ATRIP: variants seen among roughly 807,000 people sequenced by gnomAD.
ATRIP encodes ATR-interacting protein.
ATRIP carries 44 observed loss-of-function variants against 78.1 expected under a neutral mutation model. That is an observed-to-expected ratio of 0.56 (90% confidence interval 0.44 to 0.72). The LOEUF (loss-of-function observed/expected upper bound fraction) is 0.72, where lower values mean the gene tolerates loss of function less well. ATRIP is among the 30% of genes least tolerant of loss of function. The probability of loss-of-function intolerance (pLI) is 0.00; values close to 1 mark genes in which losing one functional copy is unlikely to be tolerated. For synonymous variants in ATRIP, 388 were observed against 408.9 expected (o/e 0.95, Z 0.62); for missense variants, 927 against 980.2 (o/e 0.95, Z 0.72).
intron 3 of ATRIP, among the ~76,000 whole-genome samples, chr3:48,453,128 C>T (rs915771898): frequency 7.9e-5 from 12 of 152,268 alleles, no homozygotes; most frequent in African/African-American, 2.9e-4. Context: ...ATGCAGTCCT[C>T]CCACCTTGGC....
At chr3:48,458,955 C>T (rs571409456) in intron 5 of ATRIP, among the ~76,000 whole-genome samples, 1 of 152,310 alleles carries the variant, frequency 6.6e-6, no homozygotes, top group South Asian at 2.1e-4. Flanking sequence ...ATGATTTGGG[C>T]AAGTCCTTTA....
Position 48,467,624 on chromosome 3 carries a change from T to C in ATRIP, c.*2070T>C. 1 of 1,604,218 alleles carries C rather than the reference T, an allele frequency of 6.2e-7. No individual in the cohort carries two copies. The highest frequency in any genetic ancestry group is 8.5e-7 in the Non-Finnish European group (1 of 1,174,970). The stretch of plus-strand genomic sequence containing the variant: ...AGGCCAAGAAGGAAAATCTGACGAA[T>C]AAAGACCCCCGCTGCCCCATAGCAC... On this transcript the variant is annotated 3_prime_UTR_variant, in exon 13 of 13. Transcript: ENST00000320211.
chr3:48,461,732 T>G (rs1243339328), intron 8 of ATRIP, among the ~76,000 whole-genome samples: 2 of 152,076 alleles, frequency 1.3e-5, no homozygotes, highest in African/African-American at 4.8e-5. Context: ...GAGACGAAGT[T>G]TTGCTCTTGT....
In ATRIP at chr3:48,467,186, T is replaced by C. The variant is rs11797; in HGVS notation, c.*1632T>C. 0.58 allele frequency: 941,695 copies of C among 1,613,772 alleles called. 278,001 individuals carry two copies. Among genetic ancestry groups the C allele is most frequent in the Admixed American group, 0.75 (44,978 of 59,998 alleles). On this transcript the variant is annotated 3_prime_UTR_variant, in exon 13 of 13. Transcript: ENST00000320211. ...CAGAACACGGCCCAAGGAAGAGCTA[T>C]AGCCTAGGCAGCATCTACACTCGCC...
intron 12 of ATRIP, 117 bp from the exon 13 acceptor site, chr3:48,465,370 G>T: frequency 9.5e-7 from 1 of 1,047,980 alleles, no homozygotes; most frequent in South Asian, 1.4e-5. Flanking sequence ...AGGGAGCAGG[G>T]CCTGGGTGTG....
At chr3:48,461,705 G>A (rs952999649) in intron 8 of ATRIP, among the ~76,000 whole-genome samples, 1 of 151,906 alleles carries the variant, frequency 6.6e-6, no homozygotes, top group Admixed American at 6.6e-5. Context: ...TTATTTGTTT[G>A]TTTTTGTTTT....
chr3:48,466,982 A>G lies in ATRIP; in HGVS notation c.*1428A>G. 1 of 1,613,048 alleles carries G rather than the reference A, an allele frequency of 6.2e-7. No individual in the cohort carries two copies. The highest frequency in any genetic ancestry group is 8.5e-7 in the Non-Finnish European group (1 of 1,180,010). On this transcript the variant is annotated 3_prime_UTR_variant, in exon 13 of 13. Coordinates refer to ENST00000320211, the MANE Select transcript of ATRIP (RefSeq NM_130384.3). ...ATGACAACCTGGCCAACCTGCTCCT[A>G]GCCTTCCTGCGGCGCCAGCCACAGC... is the stretch of plus-strand genomic sequence containing the variant.
chr3:48,450,589 ATTTTT>A (rs756559976), intron 2 of ATRIP: 283 of 984,576 alleles, frequency 2.9e-4, no homozygotes, highest in Middle Eastern at 3.5e-4. Context: ...TGTGACCCAG[ATTTTT>A]TTTTTTTTTT....
At chr3:48,452,165 C>T (rs1342651312) in intron 3 of ATRIP, among the ~76,000 whole-genome samples, 1 of 152,192 alleles carries the variant, frequency 6.6e-6, no homozygotes, top group Non-Finnish European at 1.5e-5. Context: ...TACATTAAGG[C>T]TCTTTTGCTA....
In ATRIP at chr3:48,466,632, T is replaced by G; in HGVS notation, c.*1078T>G. 2 of 1,613,042 alleles carry G rather than the reference T, an allele frequency of 1.2e-6. No homozygotes were observed. Among genetic ancestry groups the G allele is most frequent in the East Asian group, 2.2e-5 (1 of 44,804 alleles). The stretch of plus-strand genomic sequence containing the variant: ...ACCCACCCCATGCTCCTCTCCAGGC[T>G]CAGCAGCAGGTACGTACCCAACCAT... On this transcript the variant is annotated 3_prime_UTR_variant, in exon 13 of 13. Coordinates refer to ENST00000320211, the MANE Select transcript of ATRIP (RefSeq NM_130384.3).
At chr3:48,448,755 A>T (rs552128017) in intron 1 of ATRIP, among the ~76,000 whole-genome samples, 2 of 152,222 alleles carry the variant, frequency 1.3e-5, no homozygotes, top group African/African-American at 4.8e-5. Context: ...AGCTCCTTCA[A>T]GTCTTCCCTA....
chr3:48,455,289 G>A (rs1258124602), intron 4 of ATRIP, among the ~76,000 whole-genome samples: 1 of 152,160 alleles, frequency 6.6e-6, no homozygotes, highest in Non-Finnish European at 1.5e-5. Context: ...CATAAGACAA[G>A]AGAACTGAGG....
chr3:48,461,999 C>T (rs2040130715), intron 8 of ATRIP, among the ~76,000 whole-genome samples: 1 of 152,098 alleles, frequency 6.6e-6, no homozygotes, highest in Non-Finnish European at 1.5e-5. Flanking sequence ...AGCCACCGGG[C>T]CCAGCCTTGG....
At chr3:48,451,407 C>G (rs2039833603) in intron 2 of ATRIP, among the ~76,000 whole-genome samples, 1 of 152,194 alleles carries the variant, frequency 6.6e-6, no homozygotes, top group Admixed American at 6.5e-5. Context: ...GAGAGGATCA[C>G]TTGAGCCCAG....
chr3:48,458,078 CTT>C (rs1328630526), intron 5 of ATRIP, among the ~76,000 whole-genome samples: 12 of 133,810 alleles, frequency 9.0e-5, no homozygotes, highest in Non-Finnish European at 9.7e-5. Flanking sequence ...ATTTGTGGGC[CTT>C]TTTTTTTTTT....
rs1248137802 is a variant in ATRIP, at chr3:48,459,862, G to A, written c.1001G>A (p.Ser334Asn). 1.2e-6 allele frequency: 2 copies of A among 1,614,062 alleles called. No individual in the cohort carries two copies. The highest frequency in any genetic ancestry group is 2.2e-5 in the South Asian group (2 of 91,080). ...GSSLSLCHLL[S>N]SSSESPAGTP... ...TCCCTAAGCCTTTGCCACCTCCTGA[G>A]TAGTAGTTCTGAGTCTCCTGCTGGC... Residue 334 changes from serine (S) to asparagine (N), a missense_variant, in exon 7 of 13, where the codon AGT (serine) becomes AAT (asparagine). Coordinates refer to ENST00000320211, the MANE Select transcript of ATRIP (RefSeq NM_130384.3).
At chr3:48,458,602 G>A (rs1300118291) in intron 5 of ATRIP, among the ~76,000 whole-genome samples, 1 of 152,192 alleles carries the variant, frequency 6.6e-6, no homozygotes, top group Non-Finnish European at 1.5e-5. Context: ...TTACAGGCAT[G>A]AGCCACCGTG....
chr3:48,464,224 C>T (rs2040203527), intron 10 of ATRIP, 92 bp downstream of exon 10: 1 of 1,182,620 alleles, frequency 8.5e-7, no homozygotes, highest in Non-Finnish European at 1.2e-6. Flanking sequence ...AGAAACGGAG[C>T]TTTAATTCAT....
In ATRIP at chr3:48,467,640, C is replaced by T. The variant is rs1297914964; in HGVS notation, c.*2086C>T. 6.3e-7 allele frequency: 1 copy of T among 1,589,440 alleles called. No homozygotes were observed. On this transcript the variant is annotated 3_prime_UTR_variant, in exon 13 of 13. Coordinates refer to ENST00000320211, the MANE Select transcript of ATRIP (RefSeq NM_130384.3). The stretch of plus-strand genomic sequence containing the variant: ...TCTGACGAATAAAGACCCCCGCTGC[C>T]CCATAGCACTGAGTGGTCAATTGGC...
Sources: gnomAD v4.1 joint callset for allele counts (sites outside exome capture counted in the v4.1 genomes callset) on GRCh38, gnomAD v4.1.1 for gene constraint, MANE v1.5 for transcripts, NCBI Gene and HGNC (gene_info 2026-07-23, HGNC 2026-07-21) for gene names.